AMD1: variants seen among roughly 807,000 people sequenced by gnomAD.
AMD1 encodes S-adenosylmethionine decarboxylase proenzyme.
AMD1 carries 11 observed loss-of-function variants against 40.2 expected under a neutral mutation model. That is an observed-to-expected ratio of 0.27 (90% confidence interval 0.17 to 0.45). The LOEUF (loss-of-function observed/expected upper bound fraction) is 0.45, where lower values mean the gene tolerates loss of function less well. Among genes scored for constraint, AMD1 ranks in the 20% least tolerant of loss-of-function variants. AMD1 has a pLI of 1.00. For synonymous variants in AMD1, 121 were observed against 130.8 expected, an observed-to-expected ratio of 0.93 and a Z score of 0.51; for missense variants, 257 against 410.2, an observed-to-expected ratio of 0.63 and a Z score of 3.23.
chr6:110,883,377 A>G (rs1014193302), intron 1 of AMD1, among the ~76,000 whole-genome samples: 1 of 152,166 alleles, frequency 6.6e-6, no homozygotes, highest in Non-Finnish European at 1.5e-5. Context: ...CCAGAAACCC[A>G]GAACTGAAAA....
the AMD1 span, among the ~76,000 whole-genome samples, chr6:110,820,851 T>C: frequency 1.3e-5 from 2 of 151,934 alleles, no homozygotes; most frequent in African/African-American, 4.8e-5. Flanking sequence ...TACAGTTAGC[T>C]GAGATCGTGC....
the AMD1 span, among the ~76,000 whole-genome samples, chr6:110,846,052 C>T: frequency 7.2e-5 from 11 of 152,222 alleles, no homozygotes; most frequent in East Asian, 5.8e-4. Context: ...CCAGCCTGGC[C>T]AACATGGTGA....
intron 8 of AMD1, among the ~76,000 whole-genome samples, 155 bp from the exon 9 acceptor site, chr6:110,893,321 A>C (rs1428956408): frequency 5.3e-5 from 8 of 152,234 alleles, no homozygotes; most frequent in Admixed American, 2.6e-4. Context: ...GGGAGGAACC[A>C]TAAGATGCCC....
chr6:110,814,758 G>A, the AMD1 span: 2 of 648,084 alleles, frequency 3.1e-6, no homozygotes, highest in Non-Finnish European at 2.8e-6. Flanking sequence ...GCACTCGGAG[G>A]GCGCCCCTCT....
chr6:110,890,700 G>A (rs999761548), intron 4 of AMD1: 1 of 162,594 alleles, frequency 6.2e-6, no homozygotes, highest in Non-Finnish European at 1.3e-5. Flanking sequence ...TATTGCCCAG[G>A]CCGGTCTTGA....
rs1786149185 is a variant in AMD1, at chr6:110,893,466, T to A, written c.865-10T>A. On this transcript the variant is annotated splice_polypyrimidine_tract_variant and intron_variant, in intron 8 of 8. Coordinates refer to ENST00000368885, the MANE Select transcript of AMD1 (RefSeq NM_001634.6). ...GCAAACACTAACGGTTATTTAATTT[T>A]TTCCCCCAGAGTTCTAAATGTCGCA... 1 of 1,612,820 alleles carries A rather than the reference T, an allele frequency of 6.2e-7. No homozygotes were observed. Among genetic ancestry groups the A allele is most frequent in the Admixed American group, 1.7e-5 (1 of 59,596 alleles).
chr6:110,846,099 T>C, the AMD1 span, among the ~76,000 whole-genome samples: 1 of 151,992 alleles, frequency 6.6e-6, no homozygotes, highest in Non-Finnish European at 1.5e-5. Context: ...AATTAGCCGG[T>C]GTGGTGGTGC....
In AMD1 at chr6:110,883,189, G is replaced by C. The variant is rs957121348; in HGVS notation, c.111-4316G>C. Among the ~76,000 whole-genome samples, 7 of 152,300 alleles carry C rather than the reference G, an allele frequency of 4.6e-5. No homozygotes were observed. The South Asian group carries it at 1.5e-3, about 32-fold the overall frequency. On this transcript the variant is annotated intron_variant, in intron 1 of 8. Coordinates refer to ENST00000368885, the MANE Select transcript of AMD1 (RefSeq NM_001634.6). ...CTACACTGTCTTCTCTTATTAAAAT[G>C]CAATTAATAAACCCTGGACAGAATG...
chr6:110,886,996 A>G (rs1050902573), intron 1 of AMD1, among the ~76,000 whole-genome samples: 10 of 152,132 alleles, frequency 6.6e-5, no homozygotes, highest in African/African-American at 2.2e-4. Flanking sequence ...AGTATTCCCA[A>G]AATCTTCTAG....
At chr6:110,835,613 C>T in the AMD1 span, among the ~76,000 whole-genome samples, 1 of 152,052 alleles carries the variant, frequency 6.6e-6, no homozygotes, top group Non-Finnish European at 1.5e-5. Flanking sequence ...CGCCTGTAAT[C>T]CCAGCACTTT....
upstream of AMD1, among the ~76,000 whole-genome samples, chr6:110,870,430 C>T (rs1784893362): frequency 6.6e-6 from 1 of 152,094 alleles, no homozygotes; most frequent in Non-Finnish European, 1.5e-5. Flanking sequence ...CAAGACCAGC[C>T]TGGGGAACAT....
chr6:110,892,199 T>C lies in AMD1; in HGVS notation c.466T>C (p.Cys156Arg). 6.2e-7 allele frequency: 1 copy of C among 1,614,126 alleles called. No homozygotes were observed. Residue 156 changes from cysteine (C) to arginine (R), a missense_variant, in exon 5 of 9, where the codon TGT becomes CGT. Physicochemically the swap from Cys to Arg is radical, Grantham distance 180. Around this residue, in one of 3 missense-constraint regions of AMD1, gnomAD observed 192 missense variants for 296.5 expected, o/e 0.65. Transcript: ENST00000368885. ...AYCMGRMNSDCWYLYTLDFPE... is the reference protein window; with the variant it reads ...AYCMGRMNSDRWYLYTLDFPE... ...TTGTATGGGACGTATGAATTCTGAC[T>C]GTTGGTATGTTTAATGCAATTTTGT...
At chr6:110,862,288 A>G in the AMD1 span, among the ~76,000 whole-genome samples, 20 of 145,502 alleles carry the variant, frequency 1.4e-4, no homozygotes, top group East Asian at 1.9e-3. Flanking sequence ...TGTTCTCTGA[A>G]TTCTCCTTAT....
chr6:110,843,421 C>T, the AMD1 span, among the ~76,000 whole-genome samples: 1 of 144,520 alleles, frequency 6.9e-6, no homozygotes, highest in Non-Finnish European at 1.5e-5. Flanking sequence ...CTGAGATGGC[C>T]CCACTGCACT....
the AMD1 span, chr6:110,814,803 G>A: frequency 1.4e-6 from 1 of 699,246 alleles, no homozygotes; most frequent in Non-Finnish European, 2.5e-6. Flanking sequence ...GGGCTGCGCC[G>A]CGGGAGTTCG....
intron 1 of AMD1, among the ~76,000 whole-genome samples, chr6:110,876,464 C>A (rs953874732): frequency 5.9e-5 from 9 of 151,744 alleles, no homozygotes; most frequent in African/African-American, 2.2e-4. Context: ...TGGAGCTGTC[C>A]CTTGACAAAA....
At chr6:110,888,202 A>C (rs2115302754) in intron 2 of AMD1, 1 of 152,304 alleles carries the variant, frequency 6.6e-6, no homozygotes, top group Non-Finnish European at 1.5e-5. Flanking sequence ...GGTATATAAA[A>C]GCTCATCACC....
the AMD1 span, among the ~76,000 whole-genome samples, chr6:110,841,523 T>G: frequency 6.6e-6 from 1 of 152,190 alleles, no homozygotes; most frequent in Admixed American, 6.6e-5. Flanking sequence ...GTAAGCAACT[T>G]CCTCTTTTCC....
intron 3 of AMD1, 115 bp downstream of exon 3, chr6:110,889,098 C>A: frequency 7.7e-7 from 1 of 1,301,820 alleles, no homozygotes; most frequent in Non-Finnish European, 1.0e-6. Flanking sequence ...TGCATGCAAA[C>A]ACGTGGTAAG....
Sources: gnomAD v4.1 joint callset for allele counts (sites outside exome capture counted in the v4.1 genomes callset) on GRCh38, gnomAD v4.1.1 for gene constraint, gnomAD v4.1.1 regional missense constraint, MANE v1.5 for transcripts, NCBI Gene and HGNC (gene_info 2026-07-23, HGNC 2026-07-21) for gene names.